The following PCNT variants were observed in gnomAD, a reference collection of about 807,000 sequenced individuals.
The protein encoded by PCNT is pericentrin.
PCNT carries 319 observed loss-of-function variants against 380.4 expected under a neutral mutation model. The ratio of observed to expected loss-of-function variants is 0.84; its 90% CI spans 0.77 to 0.92. The LOEUF is 0.92. Ranked by LOEUF, PCNT falls within the 40% of genes least tolerant of loss-of-function variation. PCNT has a pLI of 0.00. For missense variants in PCNT, 4,400 were observed against 4,255.3 expected (o/e 1.03, Z -0.95); for synonymous variants, 1,845 against 1,735.2 (o/e 1.06, Z -1.57).
rs2084083064 is a variant in PCNT at position 46,346,729 on chromosome 21, T to G, written c.721-14T>G. ...GACCATGGGCCCTTATCAGAGGCCT[T>G]TTCTCCGCCGCAGGCCGTGCATGGC... On this transcript the variant is annotated splice_polypyrimidine_tract_variant and intron_variant, in intron 4 of 46. Coordinates refer to ENST00000359568, the MANE Select transcript of PCNT (RefSeq NM_006031.6). 1.9e-6 allele frequency: 3 copies of G among 1,592,134 alleles called. No homozygotes were observed. Among genetic ancestry groups the G allele is most frequent in the Non-Finnish European group, 2.6e-6 (3 of 1,170,810 alleles).
chr21:46,442,739 G>A (rs997966803), intron 44 of PCNT, 166 bp downstream of exon 44: 25 of 667,088 alleles, frequency 3.7e-5, no homozygotes, highest in Non-Finnish European at 5.4e-5. Context: ...AGGCGCGCCC[G>A]GCGTAGGGAG....
chr21:46,370,831 C>G (rs1388824609), intron 15 of PCNT, among the ~76,000 whole-genome samples: 2 of 152,166 alleles, frequency 1.3e-5, no homozygotes, highest in Non-Finnish European at 2.9e-5. Flanking sequence ...GTCAGGAGAT[C>G]AAGACCGTCC....
At chr21:46,360,465 C>T (rs1405935970) in intron 13 of PCNT, among the ~76,000 whole-genome samples, 6 of 147,964 alleles carry the variant, frequency 4.1e-5, no homozygotes, top group South Asian at 2.1e-4. Context: ...CCTCGTGATC[C>T]GCCTGCCTCG....
At chr21:46,338,487 C>G (rs1296114978) in intron 3 of PCNT, among the ~76,000 whole-genome samples, 1 of 152,136 alleles carries the variant, frequency 6.6e-6, no homozygotes, top group Admixed American at 6.6e-5. Context: ...GTAGCTCATT[C>G]CTTTTTGATG....
At chr21:46,415,947 G>A in intron 29 of PCNT, 122 bp from the exon 30 acceptor site, 1 of 837,036 alleles carries the variant, frequency 1.2e-6, no homozygotes, top group Non-Finnish European at 2.0e-6. Flanking sequence ...AAATGTGCAG[G>A]GCTCATTGTG....
intron 27 of PCNT, among the ~76,000 whole-genome samples, chr21:46,408,240 T>C (rs945441558): frequency 6.6e-6 from 1 of 152,202 alleles, no homozygotes; most frequent in Admixed American, 6.5e-5. Context: ...CCTGTGTCTG[T>C]TCCTTTAGTT....
At chr21:46,377,662 C>T (rs951607632) in intron 15 of PCNT, among the ~76,000 whole-genome samples, 3 of 151,800 alleles carry the variant, frequency 2.0e-5, no homozygotes, top group African/African-American at 4.8e-5. Context: ...CCCAGGAGTT[C>T]AAGACCAAAA....
intron 3 of PCNT, among the ~76,000 whole-genome samples, chr21:46,341,783 A>T (rs756690902): frequency 5.3e-5 from 8 of 152,140 alleles, no homozygotes; most frequent in Admixed American, 1.3e-4. Context: ...GGGCTCAAGC[A>T]GTCTTTCTAC....
At chr21:46,371,214 CTTTTTT>C (rs924903931) in intron 15 of PCNT, among the ~76,000 whole-genome samples, 1 of 136,806 alleles carries the variant, frequency 7.3e-6, no homozygotes, top group Non-Finnish European at 1.6e-5. Flanking sequence ...TTCTTTCTTT[CTTTTTT>C]TTTTTTTTTT....
At chr21:46,383,083 C>G (rs1226576397) in intron 16 of PCNT, among the ~76,000 whole-genome samples, 2 of 147,700 alleles carry the variant, frequency 1.4e-5, no homozygotes, top group Admixed American at 6.8e-5. Flanking sequence ...GTTGTATATT[C>G]AGTGGCGGAA....
intron 11 of PCNT, among the ~76,000 whole-genome samples, chr21:46,354,871 T>G (rs1285702422): frequency 6.6e-5 from 10 of 152,076 alleles, no homozygotes; most frequent in Non-Finnish European, 7.4e-5. Context: ...ATGGGGGAAA[T>G]GCCAGAGAAG....
At position 46,388,850 on chromosome 21, in the gene PCNT, G is replaced by A. The variant is rs1481702374; in HGVS notation, c.3573G>A (p.Leu1191=). ...TCGGGGAGCGCGTGGGGCTCTGCCT[G>A]GATGACGCGGGCGCAGGCCTGGCCC... ...SRIGERVGLC[L]DDAGAGLALS... Residue 1191 remains leucine (L), a synonymous_variant, in exon 18 of 47, where the codon CTG becomes CTA. Transcript: ENST00000359568. The surrounding 1 kb of genome is among the most constrained non-coding windows in gnomAD (Gnocchi z 4.2). 1 of 1,609,884 alleles carries A rather than the reference G, an allele frequency of 6.2e-7. No individual in the cohort carries two copies. The highest frequency in any genetic ancestry group is 1.3e-5 in the African/African-American group (1 of 74,898).
chr21:46,362,508 C>T (rs2084756413), intron 13 of PCNT, among the ~76,000 whole-genome samples: 1 of 152,216 alleles, frequency 6.6e-6, no homozygotes, highest in Non-Finnish European at 1.5e-5. Flanking sequence ...GCACAGGCAT[C>T]ACCAGAAGTA....
rs991004720 is a variant in PCNT at position 46,349,013 on chromosome 21, C to T, written c.1034C>T (p.Thr345Ile). The T allele has an allele frequency of 1.6e-5, 25 of 1,561,238 alleles. No individual in the cohort carries two copies. Among genetic ancestry groups the T allele is most frequent in the African/African-American group, 9.5e-5 (7 of 73,784 alleles). The change falls in exon 7 of 47, where the codon ACC (threonine) becomes ATC (isoleucine). Residue 345 changes from threonine to isoleucine, a missense_variant and splice_region_variant. Physicochemically the swap from Thr to Ile is moderately conservative, Grantham distance 89. Transcript: ENST00000359568. ...TAATTTTTTTTTCTTTTAAATTAGA[C>T]CCTGAAGGAAGATTGGGAATCTGAA... ...EMEKNAQIVKTLKEDWESEKD... is the reference protein window; with the variant it reads ...EMEKNAQIVKILKEDWESEKD...
chr21:46,374,584 TC>T (rs2085271907), intron 15 of PCNT, among the ~76,000 whole-genome samples: 1 of 152,180 alleles, frequency 6.6e-6, no homozygotes, highest in Non-Finnish European at 1.5e-5. Context: ...CTGCAGTGGC[TC>T]ACGCCTGTAA....
rs1234180597 is a variant in PCNT at position 46,401,634 on chromosome 21, T to A, written c.4875T>A (p.Cys1625Ter). The change falls in exon 26 of 47, where the codon TGT becomes TGA. Residue 1625 changes from cysteine (C) to a stop codon, truncating the protein, a stop_gained. Transcript: ENST00000359568. LOFTEE classifies it high-confidence loss of function. ...AGTCTACACTAGATGCAGGCAGATG[T>A]CCCGAGCCTCCTTCGGGCAGCCCTC... ...TLQSTLDAGR[C>*]PEPPSGSPPE... 6.2e-7 allele frequency: 1 copy of A among 1,613,826 alleles called. No homozygotes were observed. The highest frequency in any genetic ancestry group is 8.5e-7 in the Non-Finnish European group (1 of 1,179,952).
At chr21:46,358,653 C>T (rs553420576) in intron 13 of PCNT, among the ~76,000 whole-genome samples, 1 of 146,272 alleles carries the variant, frequency 6.8e-6, no homozygotes, top group African/African-American at 2.5e-5. Flanking sequence ...GAGACTGAGT[C>T]TTGCTCTGTC....
chr21:46,399,619 A>G lies in PCNT; in HGVS notation c.4614A>G (p.Glu1538=), dbSNP rs551574709. The G allele has an allele frequency of 1.7e-5, 28 of 1,613,744 alleles. No homozygotes were observed. In the Admixed American group the frequency reaches 4.5e-4, roughly 26 times the overall value. ...EVELLQQKLR[E]KLDEFNELAI... The stretch of plus-strand genomic sequence containing the variant: ...AGTTGTTACAACAAAAGTTGAGAGA[A>G]AAGTTGGATGAATTTAATGAATTGG... The change falls in exon 25 of 47, where the codon GAA becomes GAG. Residue 1538 remains glutamate (E), a synonymous_variant. Coordinates refer to ENST00000359568, the MANE Select transcript of PCNT (RefSeq NM_006031.6).
chr21:46,334,904 C>T lies in PCNT; in HGVS notation c.639+136C>T. On this transcript the variant is annotated intron_variant, in intron 3 of 46. Coordinates refer to ENST00000359568, the MANE Select transcript of PCNT (RefSeq NM_006031.6). Reference sequence around the variant, plus strand: ...AAGTGGAAACTGGAAGCATAGAGAGCTGGAGGCAGAGGCTCACCCTGTAGG... The same window carrying T: ...AAGTGGAAACTGGAAGCATAGAGAGTTGGAGGCAGAGGCTCACCCTGTAGG... 5.0e-6 allele frequency: 7 copies of T among 1,409,324 alleles called. No individual in the cohort carries two copies. In the Admixed American group the frequency reaches 1.2e-4, roughly 24 times the overall value. The allele number at this position is 1,409,324 out of a possible 1,614,324, so 87.3% of individuals were successfully genotyped here. A position where few individuals can be genotyped will look rare whatever the true frequency, so the allele number is the denominator to read the frequency against.
Sources: gnomAD v4.1 joint callset for allele counts (sites outside exome capture counted in the v4.1 genomes callset) on GRCh38, gnomAD v4.1.1 for gene constraint, Gnocchi (gnomAD v3.1) non-coding constraint, MANE v1.5 for transcripts, NCBI Gene and HGNC (gene_info 2026-07-23, HGNC 2026-07-21) for gene names.